Variants in ZNF142 observed in about 807,000 individuals in gnomAD.
ZNF142 encodes zinc finger protein 142 (clone pHZ-49).
Under a neutral mutation model 132.1 loss-of-function variants are expected in ZNF142, and 96 were observed. The observed-to-expected ratio is 0.73, with a 90% CI of 0.62 to 0.86. The LOEUF (loss-of-function observed/expected upper bound fraction) is 0.86, where lower values mean the gene tolerates loss of function less well. ZNF142 is among the 40% of genes least tolerant of loss of function. ZNF142 has a pLI of 0.00. For missense variants in ZNF142, 2,163 were observed against 2,336.2 expected (o/e 0.93, Z 1.53); for synonymous variants, 842 against 890.1 (o/e 0.95, Z 0.96).
In ZNF142 at chr2:218,633,514, A is replaced by G. The variant is rs749897534; in HGVS notation, c.*4825T>C. The stretch of plus-strand genomic sequence containing the variant: ...AGGAGGGAGAATACAGTGGGGAGGC[A>G]GTGGGCAGAGGTTTAGGTTGGATGG... On this transcript the variant is annotated 3_prime_UTR_variant, in exon 11 of 11. Transcript: ENST00000411696. The G allele has an allele frequency of 7.0e-7, 1 of 1,428,692 alleles. No individual in the cohort carries two copies. The highest frequency in any genetic ancestry group is 9.8e-7 in the Non-Finnish European group (1 of 1,016,100). The allele number at this position is 1,428,692 out of a possible 1,614,324, so 88.5% of individuals were successfully genotyped here.
rs1326409947 is a variant in ZNF142, at chr2:218,644,016, G to A, written c.3100C>T (p.Arg1034Ter). 6 of 1,613,932 alleles carry A rather than the reference G, an allele frequency of 3.7e-6. No homozygotes were observed. Among genetic ancestry groups the A allele is most frequent in the African/African-American group, 1.3e-5 (1 of 74,868 alleles). The change falls in exon 9 of 11, where the codon CGA (arginine) becomes TGA (stop). Residue 1034 changes from arginine to a stop codon, truncating the protein, a stop_gained. Transcript: ENST00000411696. LOFTEE classifies it high-confidence loss of function. The surrounding 1 kb of genome is among the most constrained non-coding windows in gnomAD (Gnocchi z 4.6). The part of the protein sequence containing the change: ...VQMVVIQGEG[R>*]AFRCPHCPFI... ...GGGCAGTGTGGGCAGCGGAAGGCTC[G>A]CCCCTCTCCCTGGATCACTACCATC... is the stretch of plus-strand genomic sequence containing the variant.
chr2:218,656,538 G>T (rs2106280784), intron 3 of ZNF142, 75 bp from the exon 4 acceptor site: 1 of 1,121,472 alleles, frequency 8.9e-7, no homozygotes, highest in South Asian at 2.9e-5. Flanking sequence ...TGGGTACACA[G>T]CCCAGTGCCC....
rs1168833402 is a variant in ZNF142, at chr2:218,642,994, C to T, written c.4122G>A (p.Gly1374=). 6.2e-7 allele frequency: 1 copy of T among 1,611,850 alleles called. No homozygotes were observed. The highest frequency in any genetic ancestry group is 8.5e-7 in the Non-Finnish European group (1 of 1,179,050). Residue 1374 remains glycine, a synonymous_variant, in exon 9 of 11, where the codon GGG becomes GGA. Transcript: ENST00000411696. The surrounding 1 kb of genome is among the most constrained non-coding windows in gnomAD (Gnocchi z 4.6). Reference sequence around the variant, plus strand: ...TCTGTTTACAGGTGAAGCCACAGTCCCCACACTGTAGATGGGGCCGGGGCC... The same window carrying T: ...TCTGTTTACAGGTGAAGCCACAGTCTCCACACTGTAGATGGGGCCGGGGCC... ...ARGPRPHLQC[G]DCGFTCKQSR... is the part of the protein sequence containing the mutation.
chr2:218,656,214 G>A lies in ZNF142; in HGVS notation c.216C>T (p.Asn72=). ...EATATEEGPG[N]MEIIVETVAG... ...CTACTGTCTCCACAATGATCTCCAT[G>A]TTCCCTGGTCCCTCTTCAGTTGCTG... The change falls in exon 4 of 11, where the codon AAC becomes AAT. Residue 72 remains asparagine (N), a synonymous_variant. Transcript: ENST00000411696. 6.2e-7 allele frequency: 1 copy of A among 1,612,676 alleles called. No individual in the cohort carries two copies.
At chr2:218,645,205 C>T in intron 8 of ZNF142, 141 bp from the exon 9 acceptor site, 1 of 1,058,338 alleles carries the variant, frequency 9.4e-7, no homozygotes, top group Non-Finnish European at 1.3e-6. Flanking sequence ...TTTTCACTAC[C>T]CTATGAAACT....
intron 9 of ZNF142, among the ~76,000 whole-genome samples, chr2:218,641,239 GATA>G (rs1697161251): frequency 7.4e-6 from 1 of 135,966 alleles, no homozygotes; most frequent in Non-Finnish European, 1.6e-5. Context: ...TCACCTGGCC[GATA>G]ATTTTTTTTT....
chr2:218,646,460 C>T (rs1260137678), intron 7 of ZNF142, 112 bp from the exon 8 acceptor site: 1 of 1,218,170 alleles, frequency 8.2e-7, no homozygotes, highest in South Asian at 1.5e-5. Flanking sequence ...ACAACAGCTT[C>T]ATGTGCTACC....
Position 218,644,217 on chromosome 2 carries a change from T to C in ZNF142, c.2899A>G (p.Thr967Ala). ...LLEKPVSEPS[T>A]NPPSLEEAPN... ...GCCTCCTCTAAGGATGGAGGATTTG[T>C]GGAGGGCTCAGACACTGGCTTTTCC... The change falls in exon 9 of 11, where the codon ACA (threonine) becomes GCA (alanine). Residue 967 changes from threonine to alanine, a missense_variant. By Grantham distance (58) the Thr-to-Ala change is moderately conservative. Transcript: ENST00000411696. The surrounding 1 kb of genome is among the most constrained non-coding windows in gnomAD (Gnocchi z 4.6). The C allele has an allele frequency of 1.2e-6, 2 of 1,614,098 alleles. No individual in the cohort carries two copies. The highest frequency in any genetic ancestry group is 1.7e-6 in the Non-Finnish European group (2 of 1,179,998).
chr2:218,642,852 G>C lies in ZNF142; in HGVS notation c.4264C>G (p.His1422Asp). 6.2e-7 allele frequency: 1 copy of C among 1,614,202 alleles called. No individual in the cohort carries two copies. Among genetic ancestry groups the C allele is most frequent in the Non-Finnish European group, 8.5e-7 (1 of 1,180,046 alleles). Residue 1422 changes from histidine (H) to aspartate (D), a missense_variant, in exon 9 of 11, where the codon CAC becomes GAC. Transcript: ENST00000411696. This position sits in a 1 kb window ranked among gnomAD's most constrained non-coding sequence, Gnocchi z 4.6. Reference protein sequence around the residue: ...RYRLEAHQSRHTGIGRIPCSS... With the variant: ...RYRLEAHQSRDTGIGRIPCSS... ...CAGGGGATGCGGCCAATGCCTGTGT[G>C]TCGGGACTGGTGAGCCTCTAACCGG... is the stretch of plus-strand genomic sequence containing the variant.
intron 7 of ZNF142, 141 bp downstream of exon 7, chr2:218,648,494 A>T: frequency 1.3e-6 from 1 of 779,470 alleles, no homozygotes; most frequent in Non-Finnish European, 2.0e-6. Context: ...CACTCAACTT[A>T]AGGCTCATTT....
At chr2:218,653,141 G>A (rs184756739) in intron 4 of ZNF142, among the ~76,000 whole-genome samples, 2,135 of 152,154 alleles carry the variant, frequency 0.014, 17 homozygotes, top group Non-Finnish European at 0.021. Context: ...TTAGCCAGGC[G>A]TGGTGGCACG....
rs955140215 is a variant in ZNF142, at chr2:218,633,553, C to T, written c.*4786G>A. The T allele has an allele frequency of 1.9e-6, 3 of 1,580,250 alleles. No homozygotes were observed. The highest frequency in any genetic ancestry group is 2.7e-5 in the African/African-American group (2 of 74,192). On this transcript the variant is annotated 3_prime_UTR_variant, in exon 11 of 11. Coordinates refer to ENST00000411696, the MANE Select transcript of ZNF142 (RefSeq NM_001379659.1). ...TAGGTTGGATGGCCATTATCTTCTT[C>T]TCTCTCAGACTGCTGAGGGTTCAAT...
At chr2:218,652,443 C>T in intron 4 of ZNF142, 143 bp from the exon 5 acceptor site, 1 of 381,886 alleles carries the variant, frequency 2.6e-6, no homozygotes, top group South Asian at 1.9e-5. Flanking sequence ...TACACCTGGA[C>T]TGTAGGCCCC....
In ZNF142 at chr2:218,649,020, T is replaced by C. The variant is rs1937717619; in HGVS notation, c.1488A>G (p.Ala496=). Reference sequence around the variant, plus strand: ...TAATGAAGGCCTTGCGGTCGGGTGCTGCATAGCTGCAGCCCTCCTGAAAGC... The same window carrying C: ...TAATGAAGGCCTTGCGGTCGGGTGCCGCATAGCTGCAGCCCTCCTGAAAGC... ...LRCFQEGCSY[A]APDRKAFIKH... is the part of the protein sequence containing the mutation. Residue 496 remains alanine, a synonymous_variant, in exon 7 of 11, where the codon GCA becomes GCG. Coordinates refer to ENST00000411696, the MANE Select transcript of ZNF142 (RefSeq NM_001379659.1). 6.2e-7 allele frequency: 1 copy of C among 1,612,666 alleles called. No individual in the cohort carries two copies. Among genetic ancestry groups the C allele is most frequent in the Non-Finnish European group, 8.5e-7 (1 of 1,180,052 alleles).
At chr2:218,639,011 G>C (rs553194865) in intron 10 of ZNF142, among the ~76,000 whole-genome samples, 152 of 152,192 alleles carry the variant, frequency 1.0e-3, no homozygotes, top group Non-Finnish European at 1.9e-3. Context: ...CGCTCTTGTT[G>C]CCCAGGCTGG....
At position 218,658,833 on chromosome 2, in the gene ZNF142, G is replaced by A. The variant is rs1363216743; in HGVS notation, c.-167C>T. ...GAGGGCAGGGTGAGGTAGGAGACAG[G>A]TGGGCACCAGAGAAGAAATACGCTT... is the stretch of plus-strand genomic sequence containing the variant. On this transcript the variant is annotated 5_prime_UTR_variant, in exon 3 of 11. Coordinates refer to ENST00000411696, the MANE Select transcript of ZNF142 (RefSeq NM_001379659.1). 1 of 152,312 alleles carries A rather than the reference G, an allele frequency of 6.6e-6. No individual in the cohort carries two copies. 9.4% of individuals were successfully genotyped at this position (152,312 alleles called of 1,614,324 possible).
intron 7 of ZNF142, among the ~76,000 whole-genome samples, chr2:218,647,030 TTCTGA>T (rs1262352687): frequency 4.6e-5 from 7 of 152,170 alleles, no homozygotes; most frequent in East Asian, 3.8e-4. Flanking sequence ...TGGTCAAGAA[TTCTGA>T]TCTGAAGTCC....
At chr2:218,656,514 C>T (rs2106280590) in intron 3 of ZNF142, 51 bp from the exon 4 acceptor site, 1 of 1,367,676 alleles carries the variant, frequency 7.3e-7, no homozygotes, top group Non-Finnish European at 9.6e-7. Context: ...TTCTTACTTT[C>T]TTCCTGGCTG....
At chr2:218,649,541 G>T in intron 6 of ZNF142, 82 bp from the exon 7 acceptor site, 1 of 1,306,306 alleles carries the variant, frequency 7.7e-7, no homozygotes, top group Non-Finnish European at 1.0e-6. Context: ...AATTTGCTCA[G>T]ACACAAACGA....
Sources: gnomAD v4.1 joint callset for allele counts (sites outside exome capture counted in the v4.1 genomes callset) on GRCh38, gnomAD v4.1.1 for gene constraint, Gnocchi (gnomAD v3.1) non-coding constraint, MANE v1.5 for transcripts, NCBI Gene and HGNC (gene_info 2026-07-23, HGNC 2026-07-21) for gene names.